Variants in ASAP2 observed in about 807,000 individuals in gnomAD.
ASAP2 encodes arf-GAP with SH3 domain, ANK repeat and PH domain-containing protein 2.
A neutral mutation model predicts 131.4 loss-of-function variants in ASAP2; 45 were observed. The ratio of observed to expected loss-of-function variants is 0.34; its 90% CI spans 0.27 to 0.44. ASAP2 has a LOEUF of 0.44. Ranked by LOEUF, ASAP2 falls within the 20% of genes least tolerant of loss-of-function variation. The pLI, the probability that ASAP2 is intolerant of heterozygous loss-of-function variation, is 1.00. For missense variants in ASAP2, 1,011 were observed against 1,297.0 expected (o/e 0.78, Z 3.39); for synonymous variants, 510 against 503.0 (o/e 1.01, Z -0.19).
intron 1 of ASAP2, among the ~76,000 whole-genome samples, chr2:9,212,347 G>C (rs570885202): frequency 1.3e-5 from 2 of 152,174 alleles, no homozygotes; most frequent in Non-Finnish European, 2.9e-5. Flanking sequence ...GTCCCAGGGC[G>C]TGGGGCTGTG....
chr2:9,256,548 A>C (rs1269196720), intron 1 of ASAP2, among the ~76,000 whole-genome samples: 2 of 152,206 alleles, frequency 1.3e-5, no homozygotes, highest in Non-Finnish European at 2.9e-5. Context: ...CAAATTTCTT[A>C]CTATTCCAAA....
intron 16 of ASAP2, among the ~76,000 whole-genome samples, chr2:9,371,622 G>A (rs780934399): frequency 6.6e-6 from 1 of 152,150 alleles, no homozygotes; most frequent in Non-Finnish European, 1.5e-5. Context: ...ACGGATCTTG[G>A]GGGTGTCAGG....
intron 27 of ASAP2, among the ~76,000 whole-genome samples, chr2:9,402,817 G>A (rs1158637270): frequency 6.6e-6 from 1 of 152,166 alleles, no homozygotes; most frequent in Non-Finnish European, 1.5e-5. Context: ...ATAGAGTGAA[G>A]CCTTCCACAA....
chr2:9,213,142 T>C (rs1195059538), intron 1 of ASAP2, among the ~76,000 whole-genome samples: 1 of 152,228 alleles, frequency 6.6e-6, no homozygotes, highest in Admixed American at 6.5e-5. Flanking sequence ...AGAAAGTGGT[T>C]CTGGAGATCA....
intron 1 of ASAP2, among the ~76,000 whole-genome samples, chr2:9,228,206 A>G (rs534009295): frequency 6.6e-6 from 1 of 152,326 alleles, no homozygotes; most frequent in East Asian, 1.9e-4. Context: ...AAGAAGTAAT[A>G]ATCTTGAATT....
chr2:9,279,387 T>A lies in ASAP2; in HGVS notation c.197T>A (p.Leu66Gln). The A allele has an allele frequency of 6.2e-7, 1 of 1,613,718 alleles. No individual in the cohort carries two copies. The highest frequency in any genetic ancestry group is 1.1e-5 in the South Asian group (1 of 91,070). ...GTGAAAGCAATCAACAGCTCTGGGC[T>A]GGGTGAGTATACATCCTTCCCTAGA... Reference protein sequence around the residue: ...KSVKAINSSGLAHVENEEQYT... With the variant: ...KSVKAINSSGQAHVENEEQYT... Residue 66 changes from leucine to glutamine, a missense_variant and splice_region_variant, in exon 2 of 28, where the codon CTG becomes CAG. Physicochemically the swap from Leu to Gln is moderately radical, Grantham distance 113. Coordinates refer to ENST00000281419, the MANE Select transcript of ASAP2 (RefSeq NM_003887.3).
intron 1 of ASAP2, among the ~76,000 whole-genome samples, chr2:9,276,253 G>A (rs181394184): frequency 4.6e-5 from 7 of 152,198 alleles, no homozygotes; most frequent in African/African-American, 2.4e-5. Context: ...CCACCCTATC[G>A]TGGAGGTGGC....
chr2:9,241,694 G>A (rs1009104136), intron 1 of ASAP2, among the ~76,000 whole-genome samples: 6 of 152,168 alleles, frequency 3.9e-5, no homozygotes, highest in Admixed American at 1.3e-4. Context: ...CCTCACCAAA[G>A]ATATGTACTG....
intron 1 of ASAP2, among the ~76,000 whole-genome samples, chr2:9,251,819 AG>A (rs1370509067): frequency 6.6e-6 from 1 of 152,026 alleles, no homozygotes; most frequent in Non-Finnish European, 1.5e-5. Flanking sequence ...CCAGGAAGGA[AG>A]ACTGAATGTG....
At chr2:9,283,284 G>C (rs1255373843) in intron 2 of ASAP2, among the ~76,000 whole-genome samples, 1 of 152,154 alleles carries the variant, frequency 6.6e-6, no homozygotes, top group Non-Finnish European at 1.5e-5. Flanking sequence ...CATCATGCTG[G>C]CTAGGCTGAT....
chr2:9,334,724 C>G lies in ASAP2; in HGVS notation c.687-14C>G. ...TTGTGAAATGTCATCTCTGTTTCTT[C>G]TTTTTCCTGCTAGTTTTTTTCAGGA... On this transcript the variant is annotated splice_polypyrimidine_tract_variant and intron_variant, in intron 7 of 27. Transcript: ENST00000281419. The G allele has an allele frequency of 6.2e-7, 1 of 1,609,028 alleles. No individual in the cohort carries two copies.
At chr2:9,371,898 C>T (rs1040802366) in intron 16 of ASAP2, among the ~76,000 whole-genome samples, 50 of 152,042 alleles carry the variant, frequency 3.3e-4, no homozygotes, top group Non-Finnish European at 6.5e-4. Flanking sequence ...GGGCGGATCA[C>T]GAGGTCAGGA....
At chr2:9,307,041 C>G (rs1367126597) in intron 3 of ASAP2, among the ~76,000 whole-genome samples, 2 of 152,180 alleles carry the variant, frequency 1.3e-5, no homozygotes, top group Non-Finnish European at 2.9e-5. Context: ...AGAGGTCCTC[C>G]AAGTGCAGCC....
At chr2:9,292,485 T>G (rs1667879468) in intron 2 of ASAP2, among the ~76,000 whole-genome samples, 1 of 152,146 alleles carries the variant, frequency 6.6e-6, no homozygotes, top group African/African-American at 2.4e-5. Flanking sequence ...ACCACTGCAC[T>G]CTAGTCTGGG....
intron 1 of ASAP2, among the ~76,000 whole-genome samples, chr2:9,260,510 G>A (rs969758179): frequency 1.3e-5 from 2 of 152,222 alleles, no homozygotes; most frequent in African/African-American, 2.4e-5. Context: ...GGAGAAGCTG[G>A]AGAGGGGCAC....
chr2:9,251,516 T>C (rs1664705177), intron 1 of ASAP2, among the ~76,000 whole-genome samples: 1 of 152,190 alleles, frequency 6.6e-6, no homozygotes, highest in Non-Finnish European at 1.5e-5. Flanking sequence ...GGGTTTTGTA[T>C]GCTTAATAAG....
At chr2:9,220,064 A>G (rs746748253) in intron 1 of ASAP2, among the ~76,000 whole-genome samples, 2 of 152,198 alleles carry the variant, frequency 1.3e-5, no homozygotes, top group Admixed American at 6.5e-5. Context: ...GCTGAATAAT[A>G]TTCTATCAAA....
intron 1 of ASAP2, 147 bp from the exon 2 acceptor site, chr2:9,279,170 G>T (rs1435199089): frequency 2.9e-6 from 2 of 696,986 alleles, no homozygotes; most frequent in East Asian, 5.3e-5. Context: ...AACAGGTGCC[G>T]AGGGACCTGG....
chr2:9,283,582 C>T (rs992769478), intron 2 of ASAP2, among the ~76,000 whole-genome samples: 2 of 152,140 alleles, frequency 1.3e-5, no homozygotes, highest in Non-Finnish European at 2.9e-5. Flanking sequence ...TGGTCATGGC[C>T]GGTGGTGTCT....
Sources: gnomAD v4.1 joint callset for allele counts (sites outside exome capture counted in the v4.1 genomes callset) on GRCh38, gnomAD v4.1.1 for gene constraint, MANE v1.5 for transcripts, NCBI Gene and HGNC (gene_info 2026-07-23, HGNC 2026-07-21) for gene names.